RYR3: variants seen among roughly 807,000 people sequenced by gnomAD.
RYR3 encodes the protein ryanodine receptor 3.
A neutral mutation model predicts 584.3 loss-of-function variants in RYR3; 207 were observed. The ratio of observed to expected loss-of-function variants is 0.35; its 90% CI spans 0.32 to 0.40. The LOEUF (loss-of-function observed/expected upper bound fraction) is 0.40, where lower values mean the gene tolerates loss of function less well. Ranked by LOEUF, RYR3 falls within the 10% of genes least tolerant of loss-of-function variation. RYR3 has a pLI of 1.00. For missense variants in RYR3, 5,616 were observed against 6,089.2 expected (o/e 0.92, Z 2.59); for synonymous variants, 2,416 against 2,248.5 (o/e 1.07, Z -2.11).
intron 3 of RYR3, among the ~76,000 whole-genome samples, chr15:33,516,904 C>A (rs905346667): frequency 6.6e-6 from 1 of 152,066 alleles, no homozygotes; most frequent in Non-Finnish European, 1.5e-5. Flanking sequence ...AATAAGGAAC[C>A]AATAAAGAAT....
At chr15:33,347,595 C>T (rs530387704) in intron 1 of RYR3, among the ~76,000 whole-genome samples, 3 of 151,996 alleles carry the variant, frequency 2.0e-5, no homozygotes, top group South Asian at 2.1e-4. Context: ...TACAGGCACC[C>T]GCCACCATGC....
rs927321390 is a variant in RYR3 at position 33,384,623 on chromosome 15, G to A, written c.51+73527G>A. On this transcript the variant is annotated intron_variant, in intron 1 of 103. Coordinates refer to ENST00000634891, the MANE Select transcript of RYR3 (RefSeq NM_001036.6). ...TATGCACACACACACACACACACAC[G>A]TTGTGGAATAACTACATAAATTTAA... Among the ~76,000 whole-genome samples the A allele has an allele frequency of 9.3e-5, 11 of 118,442 alleles. No homozygotes were observed. The South Asian group carries it at 2.8e-3, about 30-fold the overall frequency. 77.7% of individuals were successfully genotyped at this position (118,442 alleles called of 152,430 possible). A position where few individuals can be genotyped will look rare whatever the true frequency, so the allele number is the denominator to read the frequency against.
Position 33,653,542 on chromosome 15 carries a change from C to T in RYR3, c.4308+659C>T, listed in dbSNP as rs531074678. Among the ~76,000 whole-genome samples the T allele has an allele frequency of 5.9e-5, 9 of 152,074 alleles. No individual in the cohort carries two copies. The South Asian group carries it at 8.3e-4, about 14-fold the overall frequency. On this transcript the variant is annotated intron_variant, in intron 32 of 103. Coordinates refer to ENST00000634891, the MANE Select transcript of RYR3 (RefSeq NM_001036.6). ...AAAATTAGCCGAGCGTGGTGGCCCG[C>T]GCCTATAGTCCCAGCTACTCAGGAG...
At chr15:33,365,167 G>A (rs1431170649) in intron 1 of RYR3, among the ~76,000 whole-genome samples, 2 of 152,320 alleles carry the variant, frequency 1.3e-5, no homozygotes, top group Middle Eastern at 3.4e-3. Context: ...TGCAGAAAGA[G>A]TCACAGCATA....
chr15:33,568,079 C>CA (rs760642063), intron 12 of RYR3, among the ~76,000 whole-genome samples: 30 of 152,052 alleles, frequency 2.0e-4, no homozygotes, highest in Non-Finnish European at 7.4e-5. Context: ...TTCACATGGC[C>CA]AAAATGTCCA....
At chr15:33,753,302 A>G (rs928237697) in intron 57 of RYR3, among the ~76,000 whole-genome samples, 1 of 152,236 alleles carries the variant, frequency 6.6e-6, no homozygotes, top group Admixed American at 6.5e-5. Context: ...GCAGTCTTGG[A>G]ACAAAGGGAA....
chr15:33,412,880 G>A lies in RYR3; in HGVS notation c.52-60539G>A, dbSNP rs2043506684. ...AGGAAAACCAGTCTTCCTGGGGGAAGGCAGCTGGGGTTGAGTGTTGACGAT... is the reference window on the plus strand; with the variant it reads ...AGGAAAACCAGTCTTCCTGGGGGAAAGCAGCTGGGGTTGAGTGTTGACGAT... On this transcript the variant is annotated intron_variant, in intron 1 of 103. Transcript: ENST00000634891. This position sits in a 1 kb window ranked among gnomAD's most constrained non-coding sequence, Gnocchi z 4.3. 6.6e-6 allele frequency among the ~76,000 whole-genome samples: 1 copy of A among 152,152 alleles called. No homozygotes were observed. The highest frequency in any genetic ancestry group is 2.1e-4 in the South Asian group (1 of 4,828).
intron 1 of RYR3, among the ~76,000 whole-genome samples, chr15:33,395,314 GA>G: frequency 6.6e-6 from 1 of 152,356 alleles, no homozygotes; most frequent in Non-Finnish European, 1.5e-5. Flanking sequence ...TTCTAATGCA[GA>G]GATGATGCTT....
intron 1 of RYR3, among the ~76,000 whole-genome samples, chr15:33,344,672 C>CTTA (rs1972225575): frequency 6.6e-6 from 1 of 152,022 alleles, no homozygotes; most frequent in Non-Finnish European, 1.5e-5. Flanking sequence ...GGGCATAAAA[C>CTTA]CCCTGATGAG....
In RYR3 at chr15:33,629,994, C is replaced by A; in HGVS notation, c.2734C>A (p.Pro912Thr). ...HPCLVEFSKL[P>T]ETEKNYNLQM... ...TTGCCTTGTGGAGTTTTCAAAGCTC[C>A]CAGAAACTGAGAAGAACTATAACCT... The change falls in exon 22 of 104, where the codon CCA (proline) becomes ACA (threonine). Residue 912 changes from proline (P) to threonine (T), a missense_variant. By Grantham distance (38) the Pro-to-Thr change is conservative. Around this residue, in one of 9 missense-constraint regions of RYR3, gnomAD observed 1,284 missense variants for 1,344.6 expected, o/e 0.95. Transcript: ENST00000634891. The A allele has an allele frequency of 6.2e-7, 1 of 1,606,806 alleles. No homozygotes were observed. The highest frequency in any genetic ancestry group is 8.5e-7 in the Non-Finnish European group (1 of 1,176,862).
At chr15:33,774,248 C>T (rs1011768565) in intron 64 of RYR3, among the ~76,000 whole-genome samples, 2 of 152,290 alleles carry the variant, frequency 1.3e-5, no homozygotes, top group South Asian at 2.1e-4. Context: ...TGTTGTTGTT[C>T]TGTTTAATCC....
At chr15:33,671,600 T>C (rs2063837722) in intron 38 of RYR3, among the ~76,000 whole-genome samples, 1 of 151,976 alleles carries the variant, frequency 6.6e-6, no homozygotes, top group Admixed American at 6.5e-5. Context: ...CTTGATAGGG[T>C]AGTTCCATCA....
intron 65 of RYR3, among the ~76,000 whole-genome samples, chr15:33,784,681 G>T (rs371650735): frequency 6.6e-6 from 1 of 152,142 alleles, no homozygotes; most frequent in Admixed American, 6.5e-5. Context: ...CAATGGGTGC[G>T]TATGCAAACC....
intron 102 of RYR3, among the ~76,000 whole-genome samples, chr15:33,863,264 G>C (rs1362778642): frequency 6.6e-6 from 1 of 152,144 alleles, no homozygotes; most frequent in East Asian, 1.9e-4. Context: ...CAGCCCCTAC[G>C]TATCAAACAG....
In RYR3 at chr15:33,718,912, T is replaced by C. The variant is rs111447923; in HGVS notation, c.6620-3803T>C. Among the ~76,000 whole-genome samples, 1,307 of 152,316 alleles carry C rather than the reference T, an allele frequency of 8.6e-3. 22 individuals are homozygous for C. Among genetic ancestry groups the C allele is most frequent in the African/African-American group, 0.03 (1,236 of 41,578 alleles). On this transcript the variant is annotated intron_variant, in intron 43 of 103. Coordinates refer to ENST00000634891, the MANE Select transcript of RYR3 (RefSeq NM_001036.6). Reference sequence around the variant, plus strand: ...TTAGAACTCAAGCAGAAAGCATTGTTGCAAGCCCTTGGGCAAAACTAGTTT... The same window carrying C: ...TTAGAACTCAAGCAGAAAGCATTGTCGCAAGCCCTTGGGCAAAACTAGTTT...
intron 12 of RYR3, among the ~76,000 whole-genome samples, chr15:33,576,234 A>G (rs920665937): frequency 2.6e-5 from 4 of 152,250 alleles, no homozygotes; most frequent in African/African-American, 9.6e-5. Context: ...GTTTCAAACA[A>G]TTGAAAAGGA....
chr15:33,808,832 T>G (rs1270178854), intron 70 of RYR3, among the ~76,000 whole-genome samples: 1 of 152,158 alleles, frequency 6.6e-6, no homozygotes, highest in Admixed American at 6.5e-5. Flanking sequence ...TCTGTTTATA[T>G]TTCTTACTGC....
intron 78 of RYR3, 88 bp from the exon 79 acceptor site, chr15:33,821,182 C>G: frequency 2.9e-6 from 3 of 1,025,912 alleles, no homozygotes; most frequent in Non-Finnish European, 4.4e-6. Flanking sequence ...CCTTAGGTAA[C>G]TGGAAAATTC....
At chr15:33,522,913 G>A (rs2054112010) in intron 3 of RYR3, among the ~76,000 whole-genome samples, 3 of 152,100 alleles carry the variant, frequency 2.0e-5, no homozygotes, top group Non-Finnish European at 4.4e-5. Flanking sequence ...TATCATTAAA[G>A]AAGAAAAAAA....
Sources: gnomAD v4.1 joint callset for allele counts (sites outside exome capture counted in the v4.1 genomes callset) on GRCh38, gnomAD v4.1.1 for gene constraint, gnomAD v4.1.1 regional missense constraint, Gnocchi (gnomAD v3.1) non-coding constraint, MANE v1.5 for transcripts, NCBI Gene and HGNC (gene_info 2026-07-23, HGNC 2026-07-21) for gene names.